Variants in ABCC8 observed in about 807,000 individuals in gnomAD.
The protein encoded by ABCC8 is ATP-binding cassette sub-family C member 8.
ABCC8 carries 137 observed loss-of-function variants against 188.0 expected under a neutral mutation model. That is an observed-to-expected ratio of 0.73 (90% CI 0.63 to 0.84). The LOEUF (loss-of-function observed/expected upper bound fraction) is 0.84, where lower values mean the gene tolerates loss of function less well. ABCC8 is among the 40% of genes least tolerant of loss of function. ABCC8 has a pLI of 0.00. For missense variants in ABCC8, 1,750 were observed against 2,072.7 expected, an observed-to-expected ratio of 0.84 and a Z score of 3.02; for synonymous variants, 797 against 846.5, an observed-to-expected ratio of 0.94 and a Z score of 1.01.
chr11:17,475,058 C>T (rs777478476), intron 1 of ABCC8, 31 bp from the exon 2 acceptor site: 2 of 1,613,540 alleles, frequency 1.2e-6, no homozygotes, highest in Admixed American at 1.7e-5. Context: ...AGGCAGGATG[C>T]CTGCCCACTT....
chr11:17,459,412 A>G (rs1957105926), intron 6 of ABCC8, among the ~76,000 whole-genome samples: 2 of 152,224 alleles, frequency 1.3e-5, no homozygotes, highest in Admixed American at 1.3e-4. Flanking sequence ...AGTTTGCTGC[A>G]TAAATCAGAC....
At chr11:17,428,704 T>C in intron 12 of ABCC8, 34 bp from the exon 13 acceptor site, 1 of 1,608,104 alleles carries the variant, frequency 6.2e-7, no homozygotes, top group Non-Finnish European at 8.5e-7. Context: ...CCCTCACCCC[T>C]GCCAGGGGCA....
intron 8 of ABCC8, chr11:17,443,563 G>T: frequency 2.0e-6 from 1 of 511,652 alleles, no homozygotes; most frequent in Non-Finnish European, 3.5e-6. Flanking sequence ...TATCTGCAAG[G>T]CTGGTTGAAG....
chr11:17,461,250 T>C (rs1469784843), intron 5 of ABCC8: 3 of 420,038 alleles, frequency 7.1e-6, no homozygotes, highest in Non-Finnish European at 4.5e-6. Context: ...CCAACCTTTA[T>C]AGTCAGTAAG....
At chr11:17,447,988 T>C (rs1956604383) in intron 8 of ABCC8, among the ~76,000 whole-genome samples, 1 of 152,248 alleles carries the variant, frequency 6.6e-6, no homozygotes, top group South Asian at 2.1e-4. Context: ...ATACAACATA[T>C]ACTATTTGTA....
At chr11:17,436,806 A>C (rs1415527845) in intron 10 of ABCC8, among the ~76,000 whole-genome samples, 1 of 152,158 alleles carries the variant, frequency 6.6e-6, no homozygotes, top group Admixed American at 6.5e-5. Flanking sequence ...TATCCATTCA[A>C]GGCTGGGCAC....
intron 7 of ABCC8, among the ~76,000 whole-genome samples, chr11:17,450,391 C>T (rs1438251467): frequency 1.7e-4 from 13 of 75,436 alleles, no homozygotes; most frequent in South Asian, 4.3e-4. Context: ...CTTTCCTTTC[C>T]TTCTTTCTTT....
At chr11:17,455,356 G>A (rs536543464) in intron 6 of ABCC8, among the ~76,000 whole-genome samples, 16 of 152,264 alleles carry the variant, frequency 1.1e-4, no homozygotes, top group African/African-American at 2.2e-4. Context: ...ATGTTTGTTC[G>A]TTAGACTATG....
intron 22 of ABCC8, among the ~76,000 whole-genome samples, chr11:17,409,889 C>T (rs1388364549): frequency 1.3e-5 from 2 of 151,888 alleles, no homozygotes; most frequent in African/African-American, 4.8e-5. Context: ...TCTTTCTTTC[C>T]TTTTTCAAAT....
At chr11:17,456,138 G>A (rs970366090) in intron 6 of ABCC8, among the ~76,000 whole-genome samples, 8 of 152,162 alleles carry the variant, frequency 5.3e-5, no homozygotes, top group African/African-American at 1.9e-4. Flanking sequence ...CTGACACTTG[G>A]TGGAAGAAAA....
rs780487470 is a variant in ABCC8 at position 17,410,592 on chromosome 11, A to AG, written c.2617dup (p.Leu873ProfsTer2). ...CCTCTTGTCGTCCCGGAGCAGCTCA[A>AG]GGATGCCGGCCTGCATTAAGTGGTC... is the stretch of plus-strand genomic sequence containing the variant. On this transcript the variant is annotated frameshift_variant, in exon 22 of 39. Coordinates refer to ENST00000389817, the MANE Select transcript of ABCC8 (RefSeq NM_000352.6). LOFTEE classifies it high-confidence loss of function. The AG allele has an allele frequency of 1.2e-6, 2 of 1,614,152 alleles. No homozygotes were observed. The highest frequency in any genetic ancestry group is 2.2e-5 in the South Asian group (2 of 91,084).
chr11:17,442,632 C>T (rs1956359898), intron 10 of ABCC8, 88 bp downstream of exon 10: 1 of 1,351,640 alleles, frequency 7.4e-7, no homozygotes, highest in Non-Finnish European at 1.1e-6. Context: ...CTGCTTCTGT[C>T]CCTGCACCCC....
rs1953752947 is a variant in ABCC8, at chr11:17,393,719, T to C, written c.4586A>G (p.Asp1529Gly). The C allele has an allele frequency of 1.2e-6, 2 of 1,614,192 alleles. No individual in the cohort carries two copies. Among genetic ancestry groups the C allele is most frequent in the East Asian group, 4.5e-5 (2 of 44,878 alleles). Residue 1529 changes from aspartate to glycine, a missense_variant, in exon 38 of 39, where the codon GAC (aspartate) becomes GGC (glycine). Coordinates refer to ENST00000389817, the MANE Select transcript of ABCC8 (RefSeq NM_000352.6). ...LQKVVMTAFA[D>G]RTVVTIAHRV... ...TACCGCGATGGTGACCACAGTGCGG[T>C]CTGCGAAGGCTGTCATCACCACCTT...
chr11:17,430,331 G>A, intron 12 of ABCC8: 2 of 285,352 alleles, frequency 7.0e-6, no homozygotes, highest in South Asian at 4.0e-5. Context: ...CCAGCGCTTG[G>A]GGGAAGCTGT....
chr11:17,448,330 G>A (rs1591845103), intron 8 of ABCC8, 186 bp downstream of exon 8: 1 of 632,074 alleles, frequency 1.6e-6, no homozygotes, highest in East Asian at 2.8e-5. Flanking sequence ...AAGAGAGATG[G>A]TCAGTGCTTG....
intron 6 of ABCC8, among the ~76,000 whole-genome samples, chr11:17,458,147 A>G (rs1192580680): frequency 1.3e-5 from 2 of 152,052 alleles, no homozygotes; most frequent in East Asian, 1.9e-4. Context: ...TGGAGACTAT[A>G]TTTACTTTCA....
At chr11:17,408,625 C>T in intron 22 of ABCC8, 108 bp from the exon 23 acceptor site, 1 of 1,489,396 alleles carries the variant, frequency 6.7e-7, no homozygotes, top group Non-Finnish European at 8.9e-7. Context: ...CCTTTCCTCA[C>T]TACAAATGGC....
chr11:17,408,378 C>G lies in ABCC8; in HGVS notation c.2820+14G>C, dbSNP rs767458336. ...TCCAGGGGTGGCTGCTTGGCCATCC[C>G]TGGATATACCCACCTTCTCCAGCTC... is the stretch of plus-strand genomic sequence containing the variant. On this transcript the variant is annotated intron_variant, in intron 23 of 38. Transcript: ENST00000389817. 1 of 1,612,702 alleles carries G rather than the reference C, an allele frequency of 6.2e-7. No homozygotes were observed. The highest frequency in any genetic ancestry group is 8.5e-7 in the Non-Finnish European group (1 of 1,179,826).
chr11:17,471,425 G>T (rs934389193), intron 2 of ABCC8, among the ~76,000 whole-genome samples: 8 of 152,210 alleles, frequency 5.3e-5, no homozygotes, highest in African/African-American at 1.9e-4. Context: ...TGGGTCTGGT[G>T]GGACTGAGGT....
Sources: gnomAD v4.1 joint callset for allele counts (sites outside exome capture counted in the v4.1 genomes callset) on GRCh38, gnomAD v4.1.1 for gene constraint, MANE v1.5 for transcripts, NCBI Gene and HGNC (gene_info 2026-07-23, HGNC 2026-07-21) for gene names.